The following TLN2 variants were observed in gnomAD, a reference collection of about 807,000 sequenced individuals.
The protein encoded by TLN2 is talin 2, also known as talin-2.
Under a neutral mutation model 294.7 loss-of-function variants are expected in TLN2, and 118 were observed. The ratio of observed to expected loss-of-function variants is 0.40; its 90% CI spans 0.34 to 0.47. The LOEUF is 0.47. Ranked by LOEUF, TLN2 falls within the 20% of genes least tolerant of loss-of-function variation. TLN2 has a pLI of 0.84. For missense variants in TLN2, 3,083 were observed against 3,282.2 expected (o/e 0.94, Z 1.48); for synonymous variants, 1,431 against 1,304.5 (o/e 1.10, Z -2.09).
intron 24 of TLN2, among the ~76,000 whole-genome samples, chr15:62,719,513 A>G (rs934105085): frequency 7.2e-5 from 11 of 152,154 alleles, no homozygotes; most frequent in African/African-American, 2.4e-4. Context: ...ATCATAGACA[A>G]TCATCTTCGA....
intron 36 of TLN2, 41 bp from the exon 37 acceptor site, chr15:62,755,490 CT>C (rs2062191127): frequency 1.6e-5 from 26 of 1,605,190 alleles, no homozygotes; most frequent in Non-Finnish European, 2.1e-5. Flanking sequence ...CCCCTCTGCA[CT>C]GTAGCATGGG....
intron 1 of TLN2, among the ~76,000 whole-genome samples, chr15:62,576,374 AGAG>A (rs2044399855): frequency 6.6e-6 from 1 of 152,196 alleles, no homozygotes; most frequent in Non-Finnish European, 1.5e-5. Flanking sequence ...ATTAGACTCT[AGAG>A]GAGCACTGTC....
chr15:62,590,519 C>T (rs776053765), intron 2 of TLN2, among the ~76,000 whole-genome samples: 14 of 152,112 alleles, frequency 9.2e-5, no homozygotes, highest in Non-Finnish European at 2.9e-5. Flanking sequence ...ATGGCTGCAT[C>T]GTATCCCACG....
intron 1 of TLN2, among the ~76,000 whole-genome samples, chr15:62,558,112 CATT>C (rs1412725383): frequency 2.6e-5 from 4 of 152,328 alleles, no homozygotes; most frequent in East Asian, 3.9e-4. Flanking sequence ...TGAAAGCTAT[CATT>C]GTAATTCGTT....
chr15:62,637,953 G>C (rs1418700843), intron 3 of TLN2: 2 of 152,442 alleles, frequency 1.3e-5, no homozygotes, highest in Non-Finnish European at 2.9e-5. Flanking sequence ...CATTTCATTA[G>C]TATCGAGGAT....
chr15:62,829,705 A>G (rs958472362), intron 54 of TLN2: 3 of 152,214 alleles, frequency 2.0e-5, no homozygotes, highest in African/African-American at 7.2e-5. Context: ...GTTATTGACC[A>G]TAGTCACCCT....
intron 44 of TLN2, among the ~76,000 whole-genome samples, chr15:62,782,772 A>G (rs2064293877): frequency 6.6e-6 from 1 of 152,224 alleles, no homozygotes; most frequent in African/African-American, 2.4e-5. Flanking sequence ...AAGGGTGGAC[A>G]TTCCTGTCCT....
chr15:62,694,018 G>C (rs1266303768), intron 13 of TLN2, among the ~76,000 whole-genome samples: 4 of 145,732 alleles, frequency 2.7e-5, no homozygotes, highest in African/African-American at 1.0e-4. Context: ...GCCCAGGCTG[G>C]AGTGCAGTGG....
intron 1 of TLN2, among the ~76,000 whole-genome samples, chr15:62,564,915 A>ATAT (rs1555430800): frequency 2.5e-4 from 31 of 123,940 alleles, no homozygotes; most frequent in African/African-American, 1.0e-3. Context: ...CAAAAAAAAA[A>ATAT]AAAAAAAAAA....
intron 1 of TLN2, among the ~76,000 whole-genome samples, chr15:62,480,011 G>C (rs971412798): frequency 6.6e-6 from 1 of 152,258 alleles, no homozygotes; most frequent in Non-Finnish European, 1.5e-5. Context: ...TGGTGGGCCA[G>C]TTGGTCTCCT....
intron 1 of TLN2, among the ~76,000 whole-genome samples, chr15:62,477,971 A>G (rs2037875562): frequency 6.6e-6 from 1 of 152,100 alleles, no homozygotes; most frequent in South Asian, 2.1e-4. Context: ...CTGCTGCAGT[A>G]GACCTTCTCA....
chr15:62,551,301 G>A (rs1054396451), intron 1 of TLN2, among the ~76,000 whole-genome samples: 10 of 152,150 alleles, frequency 6.6e-5, no homozygotes, highest in African/African-American at 2.2e-4. Flanking sequence ...TCCATGGCCT[G>A]GGGATTGGGG....
intron 32 of TLN2, among the ~76,000 whole-genome samples, chr15:62,745,877 G>A (rs1408086184): frequency 1.3e-5 from 2 of 152,154 alleles, no homozygotes; most frequent in South Asian, 2.1e-4. Context: ...ATGGGAATTC[G>A]TGATAGCTAA....
At chr15:62,736,768 A>C (rs2061039000) in intron 28 of TLN2, 110 bp from the exon 29 acceptor site, 8 of 1,172,896 alleles carry the variant, frequency 6.8e-6, no homozygotes, top group South Asian at 1.5e-5. Flanking sequence ...TATGAAGACT[A>C]ATCTGCAGCT....
Position 62,702,815 on chromosome 15 carries a change from G to A in TLN2, c.1955G>A (p.Gly652Glu). ...TAAGSIGQAS[G>E]DLLRQIGENE... ...GCTGGCAGCATCGGACAAGCCAGTGGGGATCTTCTGAGACAGATTGGAGAG... is the reference window on the plus strand; with the variant it reads ...GCTGGCAGCATCGGACAAGCCAGTGAGGATCTTCTGAGACAGATTGGAGAG... The change falls in exon 19 of 59, where the codon GGG becomes GAG. Residue 652 changes from glycine to glutamate, a missense_variant. Transcript: ENST00000636159. The A allele has an allele frequency of 6.2e-7, 1 of 1,614,176 alleles. No homozygotes were observed. Among genetic ancestry groups the A allele is most frequent in the South Asian group, 1.1e-5 (1 of 91,068 alleles).
intron 46 of TLN2, among the ~76,000 whole-genome samples, chr15:62,794,182 G>T (rs1006942119): frequency 1.3e-5 from 2 of 152,164 alleles, no homozygotes; most frequent in African/African-American, 4.8e-5. Flanking sequence ...AGCTGGCCTC[G>T]GCCGCTACCT....
chr15:62,411,181 A>G (rs2033755695), intron 1 of TLN2, among the ~76,000 whole-genome samples: 1 of 152,196 alleles, frequency 6.6e-6, no homozygotes, highest in Non-Finnish European at 1.5e-5. Flanking sequence ...AGAGGGATGA[A>G]TGCTGCAAAG....
In TLN2 at chr15:62,701,175, A is replaced by G. The variant is rs767309789; in HGVS notation, c.1657A>G (p.Ile553Val). 11 of 1,614,190 alleles carry G rather than the reference A, an allele frequency of 6.8e-6. No individual in the cohort carries two copies. The highest frequency in any genetic ancestry group is 9.3e-6 in the Non-Finnish European group (11 of 1,180,036). Residue 553 changes from isoleucine (I) to valine (V), a missense_variant, in exon 17 of 59, where the codon ATC becomes GTC. Transcript: ENST00000636159. Reference protein sequence around the residue: ...KHEIHSQVDAITAGTASVVNL... With the variant: ...KHEIHSQVDAVTAGTASVVNL... ...CGAAATCCATTCTCAAGTTGATGCTATCACGGCCGGAACGGCTTCAGTTGT... is the reference window on the plus strand; with the variant it reads ...CGAAATCCATTCTCAAGTTGATGCTGTCACGGCCGGAACGGCTTCAGTTGT...
intron 1 of TLN2, among the ~76,000 whole-genome samples, chr15:62,401,141 C>T (rs1313467403): frequency 6.6e-6 from 1 of 152,098 alleles, no homozygotes; most frequent in African/African-American, 2.4e-5. Flanking sequence ...CTCTGGGACC[C>T]TCGCTTGTCT....
Sources: gnomAD v4.1 joint callset for allele counts (sites outside exome capture counted in the v4.1 genomes callset) on GRCh38, gnomAD v4.1.1 for gene constraint, MANE v1.5 for transcripts, NCBI Gene and HGNC (gene_info 2026-07-23, HGNC 2026-07-21) for gene names.